Variants in CADPS observed in about 807,000 individuals in gnomAD.
The protein encoded by CADPS is calcium dependent secretion activator, also known as calcium-dependent secretion activator 1.
Under a neutral mutation model 167.3 loss-of-function variants are expected in CADPS, and 57 were observed. The ratio of observed to expected loss-of-function variants is 0.34; its 90% CI spans 0.28 to 0.42. The LOEUF is 0.42. CADPS is among the 20% of genes least tolerant of loss of function. CADPS has a pLI of 1.00. For synonymous variants in CADPS, 676 were observed against 635.3 expected (o/e 1.06, Z -0.96); for missense variants, 1,414 against 1,738.1 (o/e 0.81, Z 3.32).
chr3:62,763,315 T>C (rs2085998496), intron 2 of CADPS, among the ~76,000 whole-genome samples: 1 of 152,164 alleles, frequency 6.6e-6, no homozygotes, highest in South Asian at 2.1e-4. Context: ...GCCCTGGGGC[T>C]GTCAAGGTCT....
intron 21 of CADPS, among the ~76,000 whole-genome samples, chr3:62,487,034 T>C (rs758740643): frequency 6.6e-6 from 1 of 152,206 alleles, no homozygotes; most frequent in African/African-American, 2.4e-5. Context: ...GAAAGCCACT[T>C]TTGCCCCATC....
intron 17 of CADPS, among the ~76,000 whole-genome samples, chr3:62,502,165 T>C (rs2065873705): frequency 6.6e-6 from 1 of 152,230 alleles, no homozygotes; most frequent in African/African-American, 2.4e-5. Flanking sequence ...ATAGCTGCTG[T>C]ACTACTAGCT....
chr3:62,667,620 T>C (rs1057101431), intron 3 of CADPS, among the ~76,000 whole-genome samples: 2 of 152,052 alleles, frequency 1.3e-5, no homozygotes, highest in African/African-American at 2.4e-5. Context: ...TCTATCCCAT[T>C]TCTGGAGACA....
At chr3:62,777,158 G>C (rs2090500385) in intron 1 of CADPS, among the ~76,000 whole-genome samples, 2 of 152,114 alleles carry the variant, frequency 1.3e-5, no homozygotes, top group Admixed American at 1.3e-4. Flanking sequence ...ACACCATCTT[G>C]GGTCTTATAA....
At chr3:62,786,714 C>A (rs1264362598) in intron 1 of CADPS, among the ~76,000 whole-genome samples, 6 of 152,052 alleles carry the variant, frequency 3.9e-5, no homozygotes, top group Admixed American at 3.9e-4. Context: ...TGTAAATCAT[C>A]TTATAAACTT....
intron 8 of CADPS, among the ~76,000 whole-genome samples, chr3:62,580,479 T>A (rs1334851833): frequency 6.6e-6 from 1 of 151,812 alleles, no homozygotes; most frequent in Admixed American, 6.6e-5. Context: ...GAGATATACC[T>A]AATGCTAAAT....
At position 62,420,457 on chromosome 3, in the gene CADPS, A is replaced by G. The variant is rs751658543; in HGVS notation, c.3778-17272T>C. ...AGGGACAATATTCAGATGGTGGTCC[A>G]GGAGCTGGGAGGGGTGTTGGGTTTC... On this transcript the variant is annotated intron_variant, in intron 28 of 29. Transcript: ENST00000383710. This position sits in a 1 kb window ranked among gnomAD's most constrained non-coding sequence, Gnocchi z 4.1. Among the ~76,000 whole-genome samples, 4 of 152,218 alleles carry G rather than the reference A, an allele frequency of 2.6e-5. No homozygotes were observed. Among genetic ancestry groups the G allele is most frequent in the Non-Finnish European group, 4.4e-5 (3 of 68,038 alleles).
intron 1 of CADPS, among the ~76,000 whole-genome samples, chr3:62,778,613 T>C (rs906184230): frequency 1.3e-5 from 2 of 152,198 alleles, no homozygotes; most frequent in African/African-American, 4.8e-5. Flanking sequence ...TGCATCAGCA[T>C]TACCCATGAA....
chr3:62,437,263 G>A (rs2055291111), intron 28 of CADPS, among the ~76,000 whole-genome samples: 2 of 151,316 alleles, frequency 1.3e-5, no homozygotes, highest in African/African-American at 2.4e-5. Context: ...AACCCGAGAT[G>A]AAATATCTGG....
In CADPS at chr3:62,398,387, T is replaced by C. The variant is rs940782144; in HGVS notation, c.*1019A>G. 2 of 152,614 alleles carry C rather than the reference T, an allele frequency of 1.3e-5. No individual in the cohort carries two copies. Among genetic ancestry groups the C allele is most frequent in the Non-Finnish European group, 2.9e-5 (2 of 68,030 alleles). The allele number at this position is 152,614 out of a possible 1,614,324, so 9.5% of individuals were successfully genotyped here. ...CTGAATATTTATTGAGAAGCCACAG[T>C]TTTCCACACTTCCATAACTGTAGGC... On this transcript the variant is annotated 3_prime_UTR_variant, in exon 30 of 30. Transcript: ENST00000383710.
At chr3:62,529,533 G>C (rs776135780) in intron 13 of CADPS, among the ~76,000 whole-genome samples, 8 of 152,328 alleles carry the variant, frequency 5.3e-5, no homozygotes, top group Middle Eastern at 3.4e-3. Flanking sequence ...CTAATTGCAA[G>C]TTACTGTTGC....
chr3:62,870,527 T>C (rs1028946635), intron 1 of CADPS, among the ~76,000 whole-genome samples: 2 of 152,158 alleles, frequency 1.3e-5, no homozygotes, highest in Non-Finnish European at 2.9e-5. Flanking sequence ...TTAGCCATCA[T>C]TTCATGGGCA....
At chr3:62,828,966 C>T (rs1056740500) in intron 1 of CADPS, among the ~76,000 whole-genome samples, 6 of 152,132 alleles carry the variant, frequency 3.9e-5, no homozygotes, top group African/African-American at 1.4e-4. Context: ...TTACTCTTAC[C>T]TTACATGGGT....
intron 3 of CADPS, among the ~76,000 whole-genome samples, chr3:62,678,879 C>T (rs781680242): frequency 2.0e-5 from 3 of 152,000 alleles, no homozygotes; most frequent in Non-Finnish European, 4.4e-5. Flanking sequence ...CTACTATCCC[C>T]AGTCATCATT....
At chr3:62,860,235 T>C (rs532052482) in intron 1 of CADPS, among the ~76,000 whole-genome samples, 89 of 152,316 alleles carry the variant, frequency 5.8e-4, no homozygotes, top group Non-Finnish European at 9.9e-4. Context: ...GGAAGCAGGC[T>C]GTAAGCCTTT....
chr3:62,874,698 T>C lies in CADPS; in HGVS notation c.332A>G (p.Glu111Gly). Residue 111 changes from glutamate to glycine, a missense_variant, in exon 1 of 30, where the codon GAG becomes GGG. Transcript: ENST00000383710. This position sits in a 1 kb window ranked among gnomAD's most constrained non-coding sequence, Gnocchi z 7.1. ...CAGCCTCTTCTTCCTCTCCTCCTCC[T>C]CTTTCTGCAGCCGCTCCAACTCTTC... is the stretch of plus-strand genomic sequence containing the variant. ...EKEELERLQK[E>G]EEERKKRLQL... The C allele has an allele frequency of 6.4e-7, 1 of 1,550,986 alleles. No individual in the cohort carries two copies. The highest frequency in any genetic ancestry group is 8.7e-7 in the Non-Finnish European group (1 of 1,145,828).
chr3:62,713,158 A>G (rs1478064753), intron 3 of CADPS, among the ~76,000 whole-genome samples: 1 of 152,192 alleles, frequency 6.6e-6, no homozygotes, highest in East Asian at 1.9e-4. Flanking sequence ...AACTTCTTTA[A>G]TCCTCATTAA....
At chr3:62,713,698 A>C (rs2083851420) in intron 3 of CADPS, among the ~76,000 whole-genome samples, 1 of 151,952 alleles carries the variant, frequency 6.6e-6, no homozygotes, top group Non-Finnish European at 1.5e-5. Flanking sequence ...TGAAGCCAAG[A>C]CCCCTCCTGG....
intron 3 of CADPS, among the ~76,000 whole-genome samples, chr3:62,700,706 A>T (rs774971341): frequency 6.6e-6 from 1 of 152,090 alleles, no homozygotes; most frequent in African/African-American, 2.4e-5. Context: ...CAGCGACTCT[A>T]TGAAGGACAT....
Sources: gnomAD v4.1 joint callset for allele counts (sites outside exome capture counted in the v4.1 genomes callset) on GRCh38, gnomAD v4.1.1 for gene constraint, Gnocchi (gnomAD v3.1) non-coding constraint, MANE v1.5 for transcripts, NCBI Gene and HGNC (gene_info 2026-07-23, HGNC 2026-07-21) for gene names.